The following SIRPA variants were observed in gnomAD, a reference collection of about 807,000 sequenced individuals.
SIRPA encodes signal regulatory protein alpha.
In SIRPA, 9 loss-of-function variants were observed where a neutral mutation model predicts 50.3. The ratio of observed to expected loss-of-function variants is 0.18; its 90% CI spans 0.11 to 0.31. The LOEUF is 0.31. SIRPA is among the 10% of genes least tolerant of loss of function. The pLI is 1.00. For synonymous variants in SIRPA, 265 were observed against 284.1 expected (o/e 0.93, Z 0.68); for missense variants, 474 against 661.6 (o/e 0.72, Z 3.11).
chr20:1,924,860 G>A lies in SIRPA; in HGVS notation c.1184G>A (p.Arg395Gln), dbSNP rs1985888510. ...CTGATGGCGGCCCTCTACCTCGTCC[G>A]AATCAGACAGAAGAAAGGTGGGTGC... ...ALLMAALYLV[R>Q]IRQKKAQGST... is the part of the protein sequence containing the mutation. Residue 395 changes from arginine to glutamine, a missense_variant, in exon 5 of 8, where the codon CGA (arginine) becomes CAA (glutamine). Transcript: ENST00000358771. The surrounding 1 kb of genome is among the most constrained non-coding windows in gnomAD (Gnocchi z 4.5). The A allele has an allele frequency of 5.0e-6, 8 of 1,613,798 alleles. No homozygotes were observed. The highest frequency in any genetic ancestry group is 2.2e-5 in the East Asian group (1 of 44,896).
chr20:1,927,861 CT>C lies in SIRPA; in HGVS notation c.1202-10del, dbSNP rs1401389065. On this transcript the variant is annotated splice_polypyrimidine_tract_variant and intron_variant, in intron 5 of 7. Coordinates refer to ENST00000358771, the MANE Select transcript of SIRPA (RefSeq NM_001040023.2). The surrounding 1 kb of genome is among the most constrained non-coding windows in gnomAD (Gnocchi z 6.5). ...CTAGTTAAACAACTGGCTTTTGTTTCTTTTGTCTTTCAGCCCAGGGCTCCAC... is the reference window on the plus strand; with the variant it reads ...CTAGTTAAACAACTGGCTTTTGTTTCTTTGTCTTTCAGCCCAGGGCTCCAC... 1 of 1,613,626 alleles carries C rather than the reference CT, an allele frequency of 6.2e-7. No individual in the cohort carries two copies. Among genetic ancestry groups the C allele is most frequent in the Non-Finnish European group, 8.5e-7 (1 of 1,179,648 alleles).
At chr20:1,922,062 G>C (rs1985692921) in intron 3 of SIRPA, among the ~76,000 whole-genome samples, 1 of 152,198 alleles carries the variant, frequency 6.6e-6, no homozygotes, top group African/African-American at 2.4e-5. Context: ...CATGCCAGGG[G>C]TGGTGCTTAT....
intron 2 of SIRPA, among the ~76,000 whole-genome samples, chr20:1,918,797 G>A (rs997754452): frequency 1.3e-5 from 2 of 152,250 alleles, no homozygotes; most frequent in East Asian, 1.9e-4. Context: ...TGGAGAGGAT[G>A]TACAGAGCCT....
chr20:1,913,898 C>T (rs999616036), intron 1 of SIRPA, among the ~76,000 whole-genome samples: 1 of 152,148 alleles, frequency 6.6e-6, no homozygotes, highest in Non-Finnish European at 1.5e-5. Flanking sequence ...CCCAATCTCT[C>T]CACCCAGGGT....
At chr20:1,905,815 C>T (rs1016671591) in intron 1 of SIRPA, among the ~76,000 whole-genome samples, 3 of 152,226 alleles carry the variant, frequency 2.0e-5, no homozygotes, top group Non-Finnish European at 4.4e-5. Flanking sequence ...CTGCAAGCAT[C>T]GCTTCATCAC....
Position 1,932,299 on chromosome 20 carries a change from G to A in SIRPA, c.1227-2416G>A, listed in dbSNP as rs981459171. Reference sequence around the variant, plus strand: ...GGTATGGGATAGAGCAGATCAAGGAGGTGGGGTCTGGGGCGAGCAGGGAGG... The same window carrying A: ...GGTATGGGATAGAGCAGATCAAGGAAGTGGGGTCTGGGGCGAGCAGGGAGG... On this transcript the variant is annotated intron_variant, in intron 6 of 7. Transcript: ENST00000358771. The surrounding 1 kb of genome is among the most constrained non-coding windows in gnomAD (Gnocchi z 6.0). Among the ~76,000 whole-genome samples the A allele has an allele frequency of 6.6e-6, 1 of 152,174 alleles. No homozygotes were observed. The highest frequency in any genetic ancestry group is 1.5e-5 in the Non-Finnish European group (1 of 68,028).
chr20:1,900,103 C>CTTT (rs11481009), intron 1 of SIRPA, among the ~76,000 whole-genome samples: 2 of 127,192 alleles, frequency 1.6e-5, no homozygotes, highest in African/African-American at 6.1e-5. Context: ...TTTTTTTTTT[C>CTTT]TTTTTTTTTT....
At chr20:1,895,330 G>A (rs989665164), upstream of SIRPA, 4 of 620,762 alleles carry the variant, frequency 6.4e-6, no homozygotes, top group African/African-American at 3.9e-5. Flanking sequence ...GGAGTCGGGG[G>A]GAGGCCCAGC....
At chr20:1,897,739 G>C (rs4814712) in intron 1 of SIRPA, among the ~76,000 whole-genome samples, 1 of 151,954 alleles carries the variant, frequency 6.6e-6, no homozygotes, top group Non-Finnish European at 1.5e-5. Flanking sequence ...TCACTGTTTT[G>C]GGGGGGTGGG....
At chr20:1,906,536 A>G (rs568450900) in intron 1 of SIRPA, among the ~76,000 whole-genome samples, 15 of 152,314 alleles carry the variant, frequency 9.8e-5, no homozygotes, top group African/African-American at 3.6e-4. Flanking sequence ...TGAGAGTGCC[A>G]GGCAGAGGCA....
rs6105944 is a variant in SIRPA at position 1,932,835 on chromosome 20, A to G, written c.1227-1880A>G. ...TAAAGGAAGAGAGAGAAGAATCAGGACTGACTCCCACTTCTCCAGCCTGAG... is the reference window on the plus strand; with the variant it reads ...TAAAGGAAGAGAGAGAAGAATCAGGGCTGACTCCCACTTCTCCAGCCTGAG... On this transcript the variant is annotated intron_variant, in intron 6 of 7. Transcript: ENST00000358771. The surrounding 1 kb of genome is among the most constrained non-coding windows in gnomAD (Gnocchi z 6.0). Among the ~76,000 whole-genome samples the G allele has an allele frequency of 0.46, 70,219 of 151,932 alleles. 18,718 individuals carry two copies. Among genetic ancestry groups the G allele is most frequent in the African/African-American group, 0.74 (30,753 of 41,418 alleles).
rs1003397959 is a variant in SIRPA, at chr20:1,933,211, C to G, written c.1227-1504C>G. On this transcript the variant is annotated intron_variant, in intron 6 of 7. Coordinates refer to ENST00000358771, the MANE Select transcript of SIRPA (RefSeq NM_001040023.2). The surrounding 1 kb of genome is among the most constrained non-coding windows in gnomAD (Gnocchi z 4.4). ...CAGACAGCAATAGAAACCAGATATG[C>G]AGATAGACAGGAGATCTGAGATTGT... is the stretch of plus-strand genomic sequence containing the variant. Among the ~76,000 whole-genome samples, 1 of 152,104 alleles carries G rather than the reference C, an allele frequency of 6.6e-6. No homozygotes were observed. The highest frequency in any genetic ancestry group is 2.4e-5 in the African/African-American group (1 of 41,406).
chr20:1,926,516 G>C (rs1985990559), intron 5 of SIRPA, among the ~76,000 whole-genome samples: 1 of 152,222 alleles, frequency 6.6e-6, no homozygotes, highest in Admixed American at 6.5e-5. Context: ...CACCCAGCCC[G>C]AGTGGCAGGT....
Position 1,927,395 on chromosome 20 carries a change from A to G in SIRPA, c.1202-480A>G, listed in dbSNP as rs1015568299. ...TGCTCAGCCCAACCCTGCAAGTTAT[A>G]GAAGCTGAGAGAGAGGAAGTGACCC... On this transcript the variant is annotated intron_variant, in intron 5 of 7. Coordinates refer to ENST00000358771, the MANE Select transcript of SIRPA (RefSeq NM_001040023.2). This position sits in a 1 kb window ranked among gnomAD's most constrained non-coding sequence, Gnocchi z 6.5. 4.6e-5 allele frequency among the ~76,000 whole-genome samples: 7 copies of G among 152,190 alleles called. No homozygotes were observed. The highest frequency in any genetic ancestry group is 1.7e-4 in the African/African-American group (7 of 41,438).
intron 4 of SIRPA, among the ~76,000 whole-genome samples, chr20:1,923,499 A>G (rs1347979484): frequency 3.3e-5 from 5 of 152,268 alleles, no homozygotes; most frequent in African/African-American, 7.2e-5. Flanking sequence ...GGTTTCACCA[A>G]TGCCAGGTTT....
At chr20:1,902,966 T>G (rs1173053688) in intron 1 of SIRPA, among the ~76,000 whole-genome samples, 1 of 138,020 alleles carries the variant, frequency 7.2e-6, no homozygotes, top group Non-Finnish European at 1.5e-5. Flanking sequence ...GAGCCGAGAT[T>G]GCACCACTGC....
intron 2 of SIRPA, among the ~76,000 whole-genome samples, chr20:1,919,814 G>A (rs1446560555): frequency 6.6e-6 from 1 of 152,150 alleles, no homozygotes. Flanking sequence ...TAGAAAAGGG[G>A]AGAGAATCCT....
At chr20:1,918,989 A>G (rs1271334084) in intron 2 of SIRPA, among the ~76,000 whole-genome samples, 1 of 152,178 alleles carries the variant, frequency 6.6e-6, no homozygotes, top group Non-Finnish European at 1.5e-5. Flanking sequence ...GATAACACCA[A>G]CCTCACAGAC....
Position 1,927,548 on chromosome 20 carries a change from G to A in SIRPA, c.1202-327G>A, listed in dbSNP as rs117305644. Among the ~76,000 whole-genome samples the A allele has an allele frequency of 8.8e-3, 1,348 of 152,332 alleles. 12 individuals carry two copies. The highest frequency in any genetic ancestry group is 0.02 in the Middle Eastern group (6 of 294). ...CTGATTGGGACCTAGGCTTGTTGGA[G>A]GGTCTCCGCTGAGGTTTGTGGTTGA... On this transcript the variant is annotated intron_variant, in intron 5 of 7. Transcript: ENST00000358771. The surrounding 1 kb of genome is among the most constrained non-coding windows in gnomAD (Gnocchi z 6.5).
Sources: allele counts gnomAD v4.1 joint callset (sites outside exome capture counted in the v4.1 genomes callset), GRCh38; gene constraint gnomAD v4.1.1; non-coding constraint Gnocchi (gnomAD v3.1); transcripts MANE v1.5; gene names NCBI Gene and HGNC (gene_info 2026-07-23, HGNC 2026-07-21).